The following SMARCC1 variants were observed in gnomAD, a reference collection of about 807,000 sequenced individuals.
SMARCC1 encodes the protein SWI/SNF complex subunit SMARCC1.
A neutral mutation model predicts 147.4 loss-of-function variants in SMARCC1; 43 were observed. The observed-to-expected ratio is 0.29, with a 90% CI of 0.23 to 0.38. The LOEUF is 0.38. Ranked by LOEUF, SMARCC1 falls within the 10% of genes least tolerant of loss-of-function variation. The pLI is 1.00. For synonymous variants in SMARCC1, 495 were observed against 484.4 expected, an observed-to-expected ratio of 1.02 and a Z score of -0.29; for missense variants, 1,119 against 1,381.1, an observed-to-expected ratio of 0.81 and a Z score of 3.01.
Position 47,662,210 on chromosome 3 carries a change from C to G in SMARCC1, c.2158+124G>C, listed in dbSNP as rs73831523. ...AATACTTTTATAAAGAATATGGTAT[C>G]TTTCACAGGTAATATCTGATTTTTG... On this transcript the variant is annotated intron_variant, in intron 20 of 27. Coordinates refer to ENST00000254480, the MANE Select transcript of SMARCC1 (RefSeq NM_003074.4). 171 of 852,270 alleles carry G rather than the reference C, an allele frequency of 2.0e-4. No individual in the cohort carries two copies. The African/African-American group carries it at 2.7e-3, about 13-fold the overall frequency. The allele number at this position is 852,270 out of a possible 1,614,324, so 52.8% of individuals were successfully genotyped here. A position where few individuals can be genotyped will look rare whatever the true frequency, so the allele number is the denominator to read the frequency against.
chr3:47,677,923 G>A (rs2033594627), intron 16 of SMARCC1, among the ~76,000 whole-genome samples: 2 of 152,066 alleles, frequency 1.3e-5, no homozygotes, highest in Non-Finnish European at 2.9e-5. Flanking sequence ...GGCGGAGGCA[G>A]GAGAATCGCT....
At chr3:47,720,607 A>C in intron 7 of SMARCC1, 59 bp downstream of exon 7, 1 of 1,111,854 alleles carries the variant, frequency 9.0e-7, no homozygotes, top group Non-Finnish European at 1.3e-6. Context: ...AACTATAAAT[A>C]AATGTGCCTT....
At chr3:47,676,536 A>T in intron 17 of SMARCC1, 93 bp downstream of exon 17, 1 of 893,920 alleles carries the variant, frequency 1.1e-6, no homozygotes. Flanking sequence ...TAATAATAGC[A>T]TTATAGTATA....
At chr3:47,627,281 A>T (rs944623398) in intron 24 of SMARCC1, among the ~76,000 whole-genome samples, 4 of 151,892 alleles carry the variant, frequency 2.6e-5, no homozygotes, top group African/African-American at 9.7e-5. Flanking sequence ...GATCTTTATT[A>T]TCTAGTAGCA....
intron 25 of SMARCC1, among the ~76,000 whole-genome samples, chr3:47,619,504 C>T (rs990334260): frequency 1.3e-5 from 2 of 152,188 alleles, no homozygotes; most frequent in African/African-American, 2.4e-5. Flanking sequence ...CTGAGGACTG[C>T]AGGAGGTAGG....
chr3:47,725,166 TCAAA>T (rs1256955157), intron 6 of SMARCC1, among the ~76,000 whole-genome samples: 4 of 150,838 alleles, frequency 2.7e-5, no homozygotes, highest in Non-Finnish European at 4.4e-5. Context: ...GAATACAATA[TCAAA>T]CAGATTCACC....
intron 1 of SMARCC1, among the ~76,000 whole-genome samples, chr3:47,780,382 G>C (rs2035032097): frequency 6.6e-6 from 1 of 151,850 alleles, no homozygotes; most frequent in African/African-American, 2.4e-5. Context: ...TGTTGGTCAG[G>C]CTAGTCTCGA....
intron 5 of SMARCC1, among the ~76,000 whole-genome samples, chr3:47,734,011 A>C (rs2034410774): frequency 6.6e-6 from 1 of 152,016 alleles, no homozygotes; most frequent in Non-Finnish European, 1.5e-5. Flanking sequence ...ATCTACATAT[A>C]TGTATACACA....
At chr3:47,730,482 C>T (rs754482448) in intron 5 of SMARCC1, among the ~76,000 whole-genome samples, 3 of 152,138 alleles carry the variant, frequency 2.0e-5, no homozygotes, top group Non-Finnish European at 4.4e-5. Flanking sequence ...GAGACCCTGT[C>T]TCTCAAAACA....
intron 10 of SMARCC1, among the ~76,000 whole-genome samples, chr3:47,705,531 A>G (rs2033981932): frequency 6.6e-6 from 1 of 152,188 alleles, no homozygotes; most frequent in African/African-American, 2.4e-5. Context: ...TCTATTAGTA[A>G]GAGTGTTGTC....
At chr3:47,669,884 G>A (rs976424801) in intron 19 of SMARCC1, among the ~76,000 whole-genome samples, 6 of 152,204 alleles carry the variant, frequency 3.9e-5, no homozygotes, top group Non-Finnish European at 7.3e-5. Flanking sequence ...GGAACCCAGA[G>A]GGCACCAGGC....
chr3:47,671,866 T>C (rs541166627), intron 18 of SMARCC1, among the ~76,000 whole-genome samples: 1 of 152,308 alleles, frequency 6.6e-6, no homozygotes, highest in African/African-American at 2.4e-5. Context: ...CAATAAAGTT[T>C]CTCAGTTTAG....
intron 24 of SMARCC1, among the ~76,000 whole-genome samples, chr3:47,626,326 T>C (rs771809863): frequency 1.2e-4 from 18 of 151,600 alleles, no homozygotes; most frequent in Non-Finnish European, 1.9e-4. Context: ...TTTGTATTTT[T>C]AGTAGAGACG....
At chr3:47,672,238 G>C (rs1420779340) in intron 18 of SMARCC1, among the ~76,000 whole-genome samples, 2 of 150,582 alleles carry the variant, frequency 1.3e-5, no homozygotes, top group East Asian at 3.9e-4. Context: ...TTTTTGAGAT[G>C]GAGTCTCGCT....
chr3:47,696,086 G>T (rs948807910), intron 11 of SMARCC1, among the ~76,000 whole-genome samples: 1 of 145,686 alleles, frequency 6.9e-6, no homozygotes, highest in Non-Finnish European at 1.5e-5. Context: ...AAGGGGGGGG[G>T]GGGGCCAGGC....
chr3:47,729,559 T>C (rs565361320), intron 5 of SMARCC1, among the ~76,000 whole-genome samples: 1 of 152,282 alleles, frequency 6.6e-6, no homozygotes, highest in South Asian at 2.1e-4. Flanking sequence ...CTAATTTTTC[T>C]ATTTTTAGTA....
intron 5 of SMARCC1, among the ~76,000 whole-genome samples, chr3:47,735,185 T>G (rs144541515): frequency 6.6e-6 from 1 of 152,340 alleles, no homozygotes; most frequent in East Asian, 1.9e-4. Context: ...TATTTGACTT[T>G]ATAATCTCTG....
intron 20 of SMARCC1, among the ~76,000 whole-genome samples, chr3:47,661,899 T>A (rs1430309525): frequency 6.6e-6 from 1 of 152,168 alleles, no homozygotes; most frequent in East Asian, 1.9e-4. Flanking sequence ...TACACCAAAT[T>A]CTAAATTAAT....
chr3:47,712,407 T>C lies in SMARCC1; in HGVS notation c.793-1599A>G, dbSNP rs115510113. On this transcript the variant is annotated intron_variant, in intron 8 of 27. Transcript: ENST00000254480. ...AAAGTGTGAGAAACATGTGTATACA[T>C]TGCTTCCTTTTTTTTTTAAAAGAGC... Among the ~76,000 whole-genome samples the C allele has an allele frequency of 4.2e-3, 640 of 152,220 alleles. 4 individuals are homozygous for C. Among genetic ancestry groups the C allele is most frequent in the South Asian group, 0.032 (154 of 4,818 alleles).
Sources: allele counts gnomAD v4.1 joint callset (sites outside exome capture counted in the v4.1 genomes callset), GRCh38; gene constraint gnomAD v4.1.1; transcripts MANE v1.5; gene names NCBI Gene and HGNC (gene_info 2026-07-23, HGNC 2026-07-21).